ARHGEF28: variants seen among roughly 807,000 people sequenced by gnomAD.
ARHGEF28 encodes 190 kDa guanine nucleotide exchange factor.
A neutral mutation model predicts 206.6 loss-of-function variants in ARHGEF28; 152 were observed. The ratio of observed to expected loss-of-function variants is 0.74; its 90% CI spans 0.64 to 0.84. The LOEUF is 0.84. ARHGEF28 is among the 40% of genes least tolerant of loss of function. The pLI, the probability that ARHGEF28 is intolerant of heterozygous loss-of-function variation, is 0.00. For synonymous variants in ARHGEF28, 763 were observed against 776.4 expected (o/e 0.98, Z 0.29); for missense variants, 2,028 against 2,073.2 (o/e 0.98, Z 0.42).
chr5:73,900,837 C>T, intron 30 of ARHGEF28: 1 of 182,256 alleles, frequency 5.5e-6, no homozygotes, highest in South Asian at 1.2e-4. Flanking sequence ...TAAATTTCAC[C>T]CTTCCCAGGA....
At chr5:73,658,572 A>G (rs1048136023) in intron 1 of ARHGEF28, among the ~76,000 whole-genome samples, 1 of 152,188 alleles carries the variant, frequency 6.6e-6, no homozygotes, top group Non-Finnish European at 1.5e-5. Flanking sequence ...TTGATGAAAA[A>G]TGTTGATTTC....
chr5:73,736,118 A>T (rs892267898), intron 2 of ARHGEF28, among the ~76,000 whole-genome samples: 1 of 152,250 alleles, frequency 6.6e-6, no homozygotes, highest in Non-Finnish European at 1.5e-5. Context: ...AATAAGAGAA[A>T]ATAATCTAAA....
At chr5:73,847,092 C>A (rs1758414006) in intron 12 of ARHGEF28, among the ~76,000 whole-genome samples, 1 of 151,944 alleles carries the variant, frequency 6.6e-6, no homozygotes, top group Admixed American at 6.6e-5. Context: ...TGTAAGAAAG[C>A]CCTTTTGCGT....
intron 1 of ARHGEF28, among the ~76,000 whole-genome samples, chr5:73,633,570 ATTTTT>A (rs764440038): frequency 4.9e-5 from 5 of 101,066 alleles, no homozygotes; most frequent in East Asian, 5.1e-4. Context: ...AATACCTTTA[ATTTTT>A]TTTTTTTTTT....
chr5:73,870,852 A>G (rs1222826052), intron 21 of ARHGEF28, among the ~76,000 whole-genome samples: 2 of 152,220 alleles, frequency 1.3e-5, no homozygotes, highest in Admixed American at 1.3e-4. Context: ...ACTACAAAGT[A>G]GATTCCAAAA....
chr5:73,680,434 C>CAAAAA (rs71615795), intron 1 of ARHGEF28, among the ~76,000 whole-genome samples: 2 of 30,512 alleles, frequency 6.6e-5, no homozygotes, highest in African/African-American at 1.2e-4. Context: ...GACTCCATCT[C>CAAAAA]AAAAAAAAAA....
At position 73,806,351 on chromosome 5, in the gene ARHGEF28, T is replaced by C. The variant is rs1364188312; in HGVS notation, c.1024+10960T>C. ...ATAGAGTATATATATACTATGTAGA[T>C]ATACTATCTATCTATATATACTATA... On this transcript the variant is annotated intron_variant, in intron 9 of 35. Transcript: ENST00000513042. Among the ~76,000 whole-genome samples, 31 of 118,394 alleles carry C rather than the reference T, an allele frequency of 2.6e-4. 5 individuals carry two copies. Among genetic ancestry groups the C allele is most frequent in the African/African-American group, 1.0e-3 (30 of 28,838 alleles). The allele number at this position is 118,394 out of a possible 152,430, so 77.7% of individuals were successfully genotyped here. A position where few individuals can be genotyped will look rare whatever the true frequency, so the allele number is the denominator to read the frequency against.
At position 73,698,717 on chromosome 5, in the gene ARHGEF28, A is replaced by C. The variant is rs892335198; in HGVS notation, c.33+13833A>C. On this transcript the variant is annotated intron_variant, in intron 2 of 35. Transcript: ENST00000513042. ...ATAATTGTGATAAGTGTTGGATAAG[A>C]ACATGCTGAGAATGCTCCTGAAGCC... 1.5e-4 allele frequency among the ~76,000 whole-genome samples: 23 copies of C among 152,092 alleles called. 1 individual carries two copies. Among genetic ancestry groups the C allele is most frequent in the Admixed American group, 6.6e-5 (1 of 15,266 alleles).
chr5:73,697,974 C>T (rs1227507476), intron 2 of ARHGEF28, among the ~76,000 whole-genome samples: 2 of 152,118 alleles, frequency 1.3e-5, no homozygotes, highest in Non-Finnish European at 2.9e-5. Context: ...CAGGCAGGGG[C>T]AGATGCAGGT....
intron 1 of ARHGEF28, among the ~76,000 whole-genome samples, chr5:73,682,015 T>C (rs1381822015): frequency 6.6e-6 from 1 of 152,158 alleles, no homozygotes; most frequent in Non-Finnish European, 1.5e-5. Context: ...GCCCAGGATA[T>C]CAAGGTTACA....
chr5:73,644,298 C>A (rs1305671321), intron 1 of ARHGEF28, among the ~76,000 whole-genome samples: 2 of 152,220 alleles, frequency 1.3e-5, no homozygotes, highest in African/African-American at 4.8e-5. Flanking sequence ...GAGTTAATTT[C>A]TGTGGAATTC....
At chr5:73,866,942 G>T (rs1194642989) in intron 18 of ARHGEF28, among the ~76,000 whole-genome samples, 1 of 152,092 alleles carries the variant, frequency 6.6e-6, no homozygotes, top group Non-Finnish European at 1.5e-5. Context: ...GCAAATTTGT[G>T]GCAACATGCT....
chr5:73,813,746 T>C (rs1580653991), intron 9 of ARHGEF28: 1 of 1,471,306 alleles, frequency 6.8e-7, no homozygotes. Flanking sequence ...CGTGTTTCTT[T>C]GCCAGACTGT....
At chr5:73,682,408 A>G (rs1338914521) in intron 1 of ARHGEF28, among the ~76,000 whole-genome samples, 1 of 149,792 alleles carries the variant, frequency 6.7e-6, no homozygotes, top group Non-Finnish European at 1.5e-5. Context: ...ACTAAATATC[A>G]CAATTCATTC....
At chr5:73,780,837 A>G in intron 7 of ARHGEF28, 92 bp downstream of exon 7, 4 of 1,379,392 alleles carry the variant, frequency 2.9e-6, no homozygotes, top group South Asian at 1.3e-5. Context: ...GAAGCCGGCC[A>G]GGAATCAAGG....
chr5:73,741,715 G>C (rs1428072130), intron 2 of ARHGEF28, among the ~76,000 whole-genome samples: 1 of 151,820 alleles, frequency 6.6e-6, no homozygotes, highest in Admixed American at 6.6e-5. Flanking sequence ...CACTGCACCT[G>C]GCCTGTGTGT....
intron 1 of ARHGEF28, among the ~76,000 whole-genome samples, chr5:73,661,946 A>G (rs1745622631): frequency 6.6e-6 from 1 of 152,200 alleles, no homozygotes; most frequent in Admixed American, 6.5e-5. Flanking sequence ...GTGGGGATAG[A>G]CTTGCTCAAT....
intron 2 of ARHGEF28, among the ~76,000 whole-genome samples, chr5:73,686,755 C>T (rs1747503336): frequency 6.6e-6 from 1 of 152,004 alleles, no homozygotes; most frequent in Admixed American, 6.6e-5. Flanking sequence ...ATCTCCTGAC[C>T]TCGTGATCTG....
At chr5:73,783,304 G>A (rs1034642264) in intron 7 of ARHGEF28, among the ~76,000 whole-genome samples, 2 of 151,634 alleles carry the variant, frequency 1.3e-5, no homozygotes, top group African/African-American at 2.4e-5. Context: ...GCCAAATGAC[G>A]TACTGGGGAA....
Sources: allele counts gnomAD v4.1 joint callset (sites outside exome capture counted in the v4.1 genomes callset), GRCh38; gene constraint gnomAD v4.1.1; transcripts MANE v1.5; gene names NCBI Gene and HGNC (gene_info 2026-07-23, HGNC 2026-07-21).